The following ARHGEF4 variants were observed in gnomAD, a reference collection of about 807,000 sequenced individuals.
ARHGEF4 encodes Rho guanine nucleotide exchange factor 4.
A neutral mutation model predicts 162.0 loss-of-function variants in ARHGEF4; 119 were observed. The observed-to-expected ratio is 0.73, with a 90% CI of 0.63 to 0.86. ARHGEF4 has a LOEUF of 0.86. Ranked by LOEUF, ARHGEF4 falls within the 40% of genes least tolerant of loss-of-function variation. The pLI is 0.00. For synonymous variants in ARHGEF4, 1,014 were observed against 979.9 expected (o/e 1.03, Z -0.65); for missense variants, 2,488 against 2,456.0 (o/e 1.01, Z -0.28).
intron 4 of ARHGEF4, among the ~76,000 whole-genome samples, chr2:130,998,543 G>C (rs1687552814): frequency 6.6e-6 from 1 of 152,136 alleles, no homozygotes; most frequent in Non-Finnish European, 1.5e-5. Context: ...GTAATGTCAT[G>C]TAGTTGAAAT....
chr2:130,991,708 G>A (rs1251084472), intron 4 of ARHGEF4, among the ~76,000 whole-genome samples: 1 of 152,200 alleles, frequency 6.6e-6, no homozygotes, highest in Non-Finnish European at 1.5e-5. Context: ...ACTGCAGCCC[G>A]CCATGCCTGA....
intron 1 of ARHGEF4, among the ~76,000 whole-genome samples, chr2:130,850,736 CAG>C (rs1192434203): frequency 3.3e-5 from 5 of 152,232 alleles, no homozygotes; most frequent in Admixed American, 6.5e-5. Flanking sequence ...CCTCGGTAGA[CAG>C]GGGACTGAGG....
At chr2:131,032,808 C>T (rs561795268) in intron 5 of ARHGEF4, among the ~76,000 whole-genome samples, 1 of 143,084 alleles carries the variant, frequency 7.0e-6, no homozygotes, top group South Asian at 2.1e-4. Context: ...AGGGCCTAGG[C>T]CTTTGCCTTC....
At chr2:130,995,464 G>A (rs1287461007) in intron 4 of ARHGEF4, among the ~76,000 whole-genome samples, 1 of 152,120 alleles carries the variant, frequency 6.6e-6, no homozygotes, top group South Asian at 2.1e-4. Flanking sequence ...GTTTAGCGAC[G>A]CCATCATCTG....
chr2:131,042,916 C>CA (rs1348656623), intron 10 of ARHGEF4, among the ~76,000 whole-genome samples: 1 of 152,144 alleles, frequency 6.6e-6, no homozygotes, highest in East Asian at 1.9e-4. Context: ...TTAGAGATCT[C>CA]AAAGGTTGGC....
chr2:130,999,170 T>TC (rs1687597430), intron 4 of ARHGEF4, among the ~76,000 whole-genome samples: 1 of 150,836 alleles, frequency 6.6e-6, no homozygotes, highest in African/African-American at 2.4e-5. Flanking sequence ...CTTTTTTTTT[T>TC]TTTTTTGAGA....
At chr2:130,999,303 C>A (rs769580787) in intron 4 of ARHGEF4, among the ~76,000 whole-genome samples, 1 of 151,712 alleles carries the variant, frequency 6.6e-6, no homozygotes, top group South Asian at 2.1e-4. Context: ...TACAGGCGCC[C>A]GCCACCACGC....
intron 1 of ARHGEF4, among the ~76,000 whole-genome samples, chr2:130,852,564 G>C (rs964894039): frequency 6.6e-6 from 1 of 152,054 alleles, no homozygotes; most frequent in Non-Finnish European, 1.5e-5. Context: ...GTAAGTCCCC[G>C]GGCAAGACTG....
intron 4 of ARHGEF4, among the ~76,000 whole-genome samples, chr2:130,966,190 G>T (rs948367869): frequency 2.0e-5 from 3 of 152,174 alleles, no homozygotes; most frequent in Admixed American, 2.0e-4. Context: ...TTCCTGCCTT[G>T]TTTGGTAGGA....
intron 4 of ARHGEF4, among the ~76,000 whole-genome samples, chr2:130,951,379 C>G (rs1162179907): frequency 6.6e-6 from 1 of 152,210 alleles, no homozygotes; most frequent in Non-Finnish European, 1.5e-5. Context: ...CTCTTCCTTT[C>G]ACTTGAAAAC....
intron 4 of ARHGEF4, among the ~76,000 whole-genome samples, chr2:130,956,748 C>T (rs556347923): frequency 2.1e-5 from 3 of 143,516 alleles, no homozygotes; most frequent in South Asian, 2.1e-4. Flanking sequence ...CGTTCTCACT[C>T]ATAGATGGAA....
intron 4 of ARHGEF4, among the ~76,000 whole-genome samples, chr2:130,957,105 T>C (rs1445465131): frequency 6.6e-6 from 1 of 151,948 alleles, no homozygotes; most frequent in Non-Finnish European, 1.5e-5. Context: ...ACCATAAAAC[T>C]TACCCTTTTA....
At chr2:130,893,460 C>A (rs574018525) in intron 1 of ARHGEF4, among the ~76,000 whole-genome samples, 3 of 152,188 alleles carry the variant, frequency 2.0e-5, no homozygotes, top group Non-Finnish European at 4.4e-5. Context: ...TGAGTAAATG[C>A]CACCTGACTG....
chr2:131,037,309 A>G (rs935014713), intron 5 of ARHGEF4, among the ~76,000 whole-genome samples: 3 of 152,322 alleles, frequency 2.0e-5, no homozygotes, highest in African/African-American at 7.2e-5. Flanking sequence ...CACCATCCCA[A>G]GCAGGCTCTG....
At chr2:131,045,933 C>T (rs765063180) in intron 13 of ARHGEF4, 105 bp from the exon 14 acceptor site, 40 of 1,503,636 alleles carry the variant, frequency 2.7e-5, no homozygotes, top group Non-Finnish European at 3.3e-5. Flanking sequence ...CCTCCTACGG[C>T]GGCTCTGAAG....
At chr2:131,011,838 G>C (rs972928587) in intron 4 of ARHGEF4, 4 of 723,314 alleles carry the variant, frequency 5.5e-6, no homozygotes, top group Non-Finnish European at 9.9e-6. Flanking sequence ...GGGAAGACCA[G>C]CTGGAGGTTC....
At chr2:130,943,858 A>G (rs1683450027) in intron 3 of ARHGEF4, among the ~76,000 whole-genome samples, 1 of 152,168 alleles carries the variant, frequency 6.6e-6, no homozygotes. Context: ...GGTGTGTTAT[A>G]TTTACCCAGC....
intron 4 of ARHGEF4, among the ~76,000 whole-genome samples, chr2:130,993,902 T>A (rs1225681337): frequency 6.6e-6 from 1 of 152,002 alleles, no homozygotes; most frequent in African/African-American, 2.4e-5. Context: ...TCCTGCCTCA[T>A]CCCCCTGAGT....
intron 4 of ARHGEF4, among the ~76,000 whole-genome samples, chr2:130,951,737 T>C (rs1317408054): frequency 6.6e-6 from 1 of 152,218 alleles, no homozygotes; most frequent in Non-Finnish European, 1.5e-5. Context: ...CATGTATATA[T>C]ATATAACTTA....
Sources: gnomAD v4.1 joint callset for allele counts (sites outside exome capture counted in the v4.1 genomes callset) on GRCh38, gnomAD v4.1.1 for gene constraint, MANE v1.5 for transcripts, NCBI Gene and HGNC (gene_info 2026-07-23, HGNC 2026-07-21) for gene names.